The following ELL2 variants were observed in gnomAD, a reference collection of about 807,000 sequenced individuals.
ELL2 encodes the protein RNA polymerase II elongation factor ELL2.
A neutral mutation model predicts 72.8 loss-of-function variants in ELL2; 21 were observed. The observed-to-expected ratio is 0.29, with a 90% confidence interval of 0.20 to 0.42. The LOEUF (loss-of-function observed/expected upper bound fraction) is 0.42. Among genes scored for constraint, ELL2 ranks in the 10% least tolerant of loss-of-function variants. The pLI is 1.00. For missense variants in ELL2, 568 were observed against 772.8 expected (o/e 0.73, Z 3.14); for synonymous variants, 266 against 283.2 (o/e 0.94, Z 0.61).
intron 1 of ELL2, 124 bp downstream of exon 1, chr5:95,961,451 C>A: frequency 8.2e-7 from 1 of 1,221,652 alleles, no homozygotes; most frequent in Non-Finnish European, 1.1e-6. Context: ...CCTGCCTGGC[C>A]GCTGCGGGCG....
intron 2 of ELL2, among the ~76,000 whole-genome samples, chr5:95,935,316 T>C (rs1018678939): frequency 3.9e-5 from 6 of 152,230 alleles, no homozygotes; most frequent in Admixed American, 2.6e-4. Context: ...TATACCACAC[T>C]TAATCTCTAT....
chr5:95,956,539 T>C (rs1053711412), intron 1 of ELL2, among the ~76,000 whole-genome samples: 10 of 152,194 alleles, frequency 6.6e-5, no homozygotes, highest in Admixed American at 2.0e-4. Context: ...GATGCTCAAG[T>C]GGTGGCTTAA....
At chr5:95,955,618 A>C (rs970730342) in intron 1 of ELL2, among the ~76,000 whole-genome samples, 4 of 152,220 alleles carry the variant, frequency 2.6e-5, no homozygotes, top group Admixed American at 2.0e-4. Flanking sequence ...ATTTGCTCTA[A>C]AGACATGGAC....
rs913200046 is a variant in ELL2, at chr5:95,891,080, C to T, written c.1761+23G>A. On this transcript the variant is annotated intron_variant, in intron 10 of 11. Transcript: ENST00000237853. Reference sequence around the variant, plus strand: ...AGAAGGTAAAATATGAAAGTCAGCCCATCTAGTTACAAATCCATTTACCTG... The same window carrying T: ...AGAAGGTAAAATATGAAAGTCAGCCTATCTAGTTACAAATCCATTTACCTG... 5 of 1,613,858 alleles carry T rather than the reference C, an allele frequency of 3.1e-6. No individual in the cohort carries two copies. In the Admixed American group the frequency reaches 5.0e-5, roughly 16 times the overall value.
intron 8 of ELL2, among the ~76,000 whole-genome samples, chr5:95,897,080 AT>A (rs1748904003): frequency 6.6e-6 from 1 of 152,254 alleles, no homozygotes; most frequent in Non-Finnish European, 1.5e-5. Flanking sequence ...TGACTGAAAT[AT>A]TTAAACAGAA....
At chr5:95,898,888 A>G in intron 7 of ELL2, 78 bp from the exon 8 acceptor site, 1 of 1,066,290 alleles carries the variant, frequency 9.4e-7, no homozygotes, top group East Asian at 2.6e-5. Flanking sequence ...GGCTGGTTAA[A>G]CAACTAAGTA....
In ELL2 at chr5:95,942,994, G is replaced by A. The variant is rs74836108; in HGVS notation, c.195+8C>T. 435 of 1,579,944 alleles carry A rather than the reference G, an allele frequency of 2.8e-4. 3 individuals carry two copies. The East Asian group carries it at 9.5e-3, about 35-fold the overall frequency. ...AGATTTGTTTGTTAAATCAATAAGA[G>A]TACTCACCCCGTGGAGTCCTTGGAA... On this transcript the variant is annotated splice_region_variant and intron_variant, in intron 2 of 11. Transcript: ENST00000237853.
At chr5:95,907,296 A>ATATATATATATATTTTTTTTTTTT in intron 4 of ELL2, among the ~76,000 whole-genome samples, 3 of 116,518 alleles carry the variant, frequency 2.6e-5, no homozygotes, top group African/African-American at 1.2e-4. Flanking sequence ...ATATATATAT[A>ATATATATATATATTTTTTTTTTTT]TTTTTTTTTT....
In ELL2 at chr5:95,886,522, A is replaced by G. The variant is rs1037383878; in HGVS notation, c.*2349T>C. ...GCTGATGTACAGGGTAGGAGCTCCA[A>G]TGGCTAACCATTCACCAACTGGAAG... On this transcript the variant is annotated 3_prime_UTR_variant, in exon 12 of 12. Coordinates refer to ENST00000237853, the MANE Select transcript of ELL2 (RefSeq NM_012081.6). The G allele has an allele frequency of 1.3e-5, 2 of 152,180 alleles. No individual in the cohort carries two copies. The highest frequency in any genetic ancestry group is 1.9e-4 in the East Asian group (1 of 5,204). The allele number at this position is 152,180 out of a possible 1,614,324, so 9.4% of individuals were successfully genotyped here.
At chr5:95,893,223 T>C (rs896553776) in intron 9 of ELL2, among the ~76,000 whole-genome samples, 3 of 152,210 alleles carry the variant, frequency 2.0e-5, no homozygotes, top group Non-Finnish European at 4.4e-5. Context: ...GTTGTCCTAC[T>C]TTTACGAAAA....
chr5:95,927,974 A>C (rs1750456941), intron 2 of ELL2, among the ~76,000 whole-genome samples: 1 of 151,650 alleles, frequency 6.6e-6, no homozygotes, highest in Admixed American at 6.6e-5. Flanking sequence ...AAGGGGCTTC[A>C]AAGGGAGTTT....
intron 11 of ELL2, 23 bp from the exon 12 acceptor site, chr5:95,889,010 A>AG: frequency 6.3e-7 from 1 of 1,576,980 alleles, no homozygotes; most frequent in Non-Finnish European, 8.6e-7. Flanking sequence ...AAAAAAAAAA[A>AG]AAAAGAGGAA....
chr5:95,927,794 TACACACACAC>T lies in ELL2; in HGVS notation c.196-8259_196-8250del, dbSNP rs758116490. On this transcript the variant is annotated intron_variant, in intron 2 of 11. Coordinates refer to ENST00000237853, the MANE Select transcript of ELL2 (RefSeq NM_012081.6). ...ACACACATATGTGTGTATATAGACATACACACACACATATGTGTGTATATAGACATACACA... is the reference window on the plus strand; with the variant it reads ...ACACACATATGTGTGTATATAGACATATATGTGTGTATATAGACATACACA... Among the ~76,000 whole-genome samples, 14 of 89,616 alleles carry T rather than the reference TACACACACAC, an allele frequency of 1.6e-4. 4 individuals carry two copies. The South Asian group carries it at 2.1e-3, about 13-fold the overall frequency. The allele number at this position is 89,616 out of a possible 152,430, so 58.8% of individuals were successfully genotyped here.
Position 95,888,661 on chromosome 5 carries a change from C to CT in ELL2, c.*209dup, listed in dbSNP as rs1278064862. 4 of 380,326 alleles carry CT rather than the reference C, an allele frequency of 1.1e-5. No homozygotes were observed. In the East Asian group the frequency reaches 1.2e-4, roughly 12 times the overall value. 23.6% of individuals were successfully genotyped at this position (380,326 alleles called of 1,614,324 possible). A position where few individuals can be genotyped will look rare whatever the true frequency, so the allele number is the denominator to read the frequency against. On this transcript the variant is annotated 3_prime_UTR_variant, in exon 12 of 12. Transcript: ENST00000237853. Reference sequence around the variant, plus strand: ...ATTATTTCTATTAACAAACACAAGTCTTGGGGGTGGGGTGGTGGGGAGGAC... The same window carrying CT: ...ATTATTTCTATTAACAAACACAAGTCTTTGGGGGTGGGGTGGTGGGGAGGAC...
intron 2 of ELL2, among the ~76,000 whole-genome samples, chr5:95,925,701 T>C (rs1418389356): frequency 6.6e-6 from 1 of 152,180 alleles, no homozygotes; most frequent in Non-Finnish European, 1.5e-5. Flanking sequence ...GAAAGAGGGG[T>C]TCTTTCCTCA....
chr5:95,942,055 T>C (rs1750988776), intron 2 of ELL2, among the ~76,000 whole-genome samples: 1 of 152,188 alleles, frequency 6.6e-6, no homozygotes, highest in Non-Finnish European at 1.5e-5. Flanking sequence ...ACAAAACACA[T>C]TTAGAAGTAC....
At chr5:95,941,821 C>A (rs1750980170) in intron 2 of ELL2, among the ~76,000 whole-genome samples, 1 of 152,160 alleles carries the variant, frequency 6.6e-6, no homozygotes, top group South Asian at 2.1e-4. Context: ...ACTCAAGAAG[C>A]CTTAAATAAA....
At chr5:95,943,732 A>C (rs1446206052) in intron 1 of ELL2, among the ~76,000 whole-genome samples, 1 of 152,212 alleles carries the variant, frequency 6.6e-6, no homozygotes, top group Non-Finnish European at 1.5e-5. Flanking sequence ...GTTCTCTCAC[A>C]TGATTCTCAC....
At chr5:95,947,523 C>T (rs1322111178) in intron 1 of ELL2, among the ~76,000 whole-genome samples, 1 of 152,168 alleles carries the variant, frequency 6.6e-6, no homozygotes, top group African/African-American at 2.4e-5. Flanking sequence ...AAGTGAGCCT[C>T]CTAAAACCAG....
Sources: gnomAD v4.1 joint callset for allele counts (sites outside exome capture counted in the v4.1 genomes callset) on GRCh38, gnomAD v4.1.1 for gene constraint, MANE v1.5 for transcripts, NCBI Gene and HGNC (gene_info 2026-07-23, HGNC 2026-07-21) for gene names.